The following MEGF9 variants were observed in gnomAD, a reference collection of about 807,000 sequenced individuals.
The protein encoded by MEGF9 is multiple epidermal growth factor-like domains protein 9.
A neutral mutation model predicts 46.8 loss-of-function variants in MEGF9; 6 were observed. The observed-to-expected ratio is 0.13, with a 90% CI of 0.07 to 0.25. The LOEUF is 0.25. Ranked by LOEUF, MEGF9 falls within the 10% of genes least tolerant of loss-of-function variation. The pLI, the probability that MEGF9 is intolerant of heterozygous loss-of-function variation, is 1.00. For synonymous variants in MEGF9, 302 were observed against 330.7 expected (o/e 0.91, Z 0.94); for missense variants, 683 against 792.4 (o/e 0.86, Z 1.66).
chr9:120,631,769 GCCACTGTGCCCGGC>G (rs1242083294), intron 2 of MEGF9, among the ~76,000 whole-genome samples: 1 of 152,184 alleles, frequency 6.6e-6, no homozygotes, highest in Admixed American at 6.5e-5. Flanking sequence ...ACAGGTATAA[GCCACTGTGCCCGGC>G]CCTGTATTTT....
intron 1 of MEGF9, among the ~76,000 whole-genome samples, chr9:120,687,195 C>G (rs1284334884): frequency 1.3e-5 from 2 of 152,166 alleles, no homozygotes; most frequent in Admixed American, 6.5e-5. Flanking sequence ...TGTATAACCT[C>G]TTCAGAGAAG....
intron 2 of MEGF9, among the ~76,000 whole-genome samples, chr9:120,654,864 T>C (rs1165461506): frequency 6.6e-6 from 1 of 152,146 alleles, no homozygotes; most frequent in Non-Finnish European, 1.5e-5. Context: ...TATATTTACG[T>C]CGTAGTTTTT....
At chr9:120,662,274 C>G (rs1530370) in intron 1 of MEGF9, among the ~76,000 whole-genome samples, 3 of 152,008 alleles carry the variant, frequency 2.0e-5, no homozygotes, top group Admixed American at 6.5e-5. Flanking sequence ...GAACATACTC[C>G]GGTTAGTCCT....
chr9:120,650,602 A>G (rs2043645396), intron 2 of MEGF9, among the ~76,000 whole-genome samples: 1 of 152,220 alleles, frequency 6.6e-6, no homozygotes, highest in African/African-American at 2.4e-5. Flanking sequence ...TCCCACTGAA[A>G]TATATGGGCA....
intron 1 of MEGF9, among the ~76,000 whole-genome samples, chr9:120,661,729 T>C (rs1451169140): frequency 6.6e-6 from 1 of 152,230 alleles, no homozygotes; most frequent in African/African-American, 2.4e-5. Context: ...CAGAGTTACA[T>C]GTTTTCACAT....
chr9:120,669,859 G>A (rs993192077), intron 1 of MEGF9, among the ~76,000 whole-genome samples: 1 of 152,064 alleles, frequency 6.6e-6, no homozygotes, highest in Non-Finnish European at 1.5e-5. Context: ...TATCAGAAAC[G>A]AGATATGACA....
intron 1 of MEGF9, among the ~76,000 whole-genome samples, chr9:120,683,517 G>C (rs2043808104): frequency 6.6e-6 from 1 of 152,162 alleles, no homozygotes; most frequent in African/African-American, 2.4e-5. Flanking sequence ...GCTCTTGCTA[G>C]CTCTCTTTCC....
chr9:120,621,306 T>C (rs1055745154), intron 3 of MEGF9, among the ~76,000 whole-genome samples: 3 of 152,212 alleles, frequency 2.0e-5, no homozygotes, highest in East Asian at 1.9e-4. Flanking sequence ...ATTACATTTA[T>C]GCTAAACCTT....
At chr9:120,633,773 T>C (rs548592812) in intron 2 of MEGF9, among the ~76,000 whole-genome samples, 1 of 152,266 alleles carries the variant, frequency 6.6e-6, no homozygotes, top group Admixed American at 6.5e-5. Flanking sequence ...CTCTATCCCA[T>C]AGCATGGTAT....
chr9:120,702,266 A>G (rs1268925841), intron 1 of MEGF9, among the ~76,000 whole-genome samples: 1 of 152,164 alleles, frequency 6.6e-6, no homozygotes, highest in Non-Finnish European at 1.5e-5. Flanking sequence ...GACTAAACAA[A>G]TACCCTGATA....
intron 2 of MEGF9, among the ~76,000 whole-genome samples, chr9:120,640,055 T>C (rs2043595465): frequency 6.6e-6 from 1 of 152,230 alleles, no homozygotes; most frequent in Non-Finnish European, 1.5e-5. Context: ...CCACCCTGTC[T>C]AGATTACTAT....
chr9:120,659,804 T>A (rs1362160913), intron 1 of MEGF9, among the ~76,000 whole-genome samples: 1 of 151,254 alleles, frequency 6.6e-6, no homozygotes, highest in Non-Finnish European at 1.5e-5. Flanking sequence ...TGTGTGTGTG[T>A]GTGTGTGTGT....
intron 2 of MEGF9, among the ~76,000 whole-genome samples, chr9:120,631,057 G>C (rs1403510324): frequency 6.6e-6 from 1 of 152,182 alleles, no homozygotes; most frequent in African/African-American, 2.4e-5. Context: ...TCTGCCCAGA[G>C]CACTGCCCTG....
intron 2 of MEGF9, among the ~76,000 whole-genome samples, chr9:120,636,829 G>C (rs925758542): frequency 6.8e-6 from 1 of 147,826 alleles, no homozygotes; most frequent in African/African-American, 2.4e-5. Flanking sequence ...GGGCGCCCCC[G>C]CCCGGCAGCC....
chr9:120,602,315 T>G lies in MEGF9; in HGVS notation c.*2875A>C, dbSNP rs907650437. 1.3e-5 allele frequency: 2 copies of G among 152,692 alleles called. No homozygotes were observed. The highest frequency in any genetic ancestry group is 3.8e-4 in the East Asian group (2 of 5,196). 9.5% of individuals were successfully genotyped at this position (152,692 alleles called of 1,614,324 possible). A position where few individuals can be genotyped will look rare whatever the true frequency, so the allele number is the denominator to read the frequency against. On this transcript the variant is annotated 3_prime_UTR_variant, in exon 6 of 6. Coordinates refer to ENST00000373930, the MANE Select transcript of MEGF9 (RefSeq NM_001080497.3). Reference sequence around the variant, plus strand: ...CCGCACCCGGCCCAAAATTAGGCTTTCTAAAGGACTGATGGCATCCTGCTG... The same window carrying G: ...CCGCACCCGGCCCAAAATTAGGCTTGCTAAAGGACTGATGGCATCCTGCTG...
At chr9:120,700,795 T>C (rs1409956171) in intron 1 of MEGF9, among the ~76,000 whole-genome samples, 2 of 152,112 alleles carry the variant, frequency 1.3e-5, no homozygotes, top group Non-Finnish European at 2.9e-5. Context: ...TAAAGACCGT[T>C]TCCAGGCCAG....
chr9:120,622,028 G>A (rs1380167336), intron 3 of MEGF9, among the ~76,000 whole-genome samples: 1 of 152,136 alleles, frequency 6.6e-6, no homozygotes, highest in Non-Finnish European at 1.5e-5. Context: ...GGAGATAATT[G>A]AATGTCATAG....
intron 1 of MEGF9, among the ~76,000 whole-genome samples, chr9:120,673,288 A>G (rs1469765740): frequency 1.3e-5 from 2 of 152,172 alleles, no homozygotes; most frequent in African/African-American, 4.8e-5. Context: ...ATAAATCCCA[A>G]TCAAAATCCC....
chr9:120,647,223 T>C (rs140990808), intron 2 of MEGF9, among the ~76,000 whole-genome samples: 1,617 of 152,080 alleles, frequency 0.011, 30 homozygotes, highest in African/African-American at 0.034. Flanking sequence ...ATGCCCTGTA[T>C]TGAATGGAAA....
Sources: gnomAD v4.1 joint callset for allele counts (sites outside exome capture counted in the v4.1 genomes callset) on GRCh38, gnomAD v4.1.1 for gene constraint, MANE v1.5 for transcripts, NCBI Gene and HGNC (gene_info 2026-07-23, HGNC 2026-07-21) for gene names.